Variants in TAX1BP1 observed in about 807,000 individuals in gnomAD.
The protein encoded by TAX1BP1 is tax1-binding protein 1.
In TAX1BP1, 62 loss-of-function variants were observed where a neutral mutation model predicts 97.7. That is an observed-to-expected ratio of 0.63 (90% CI 0.52 to 0.78). The LOEUF (loss-of-function observed/expected upper bound fraction) is 0.78, where lower values mean the gene tolerates loss of function less well. Ranked by LOEUF, TAX1BP1 falls within the 30% of genes least tolerant of loss-of-function variation. The pLI is 0.00. For synonymous variants in TAX1BP1, 340 were observed against 304.2 expected (o/e 1.12, Z -1.23); for missense variants, 867 against 916.1 (o/e 0.95, Z 0.69).
At chr7:27,773,279 A>C (rs73684050) in intron 5 of TAX1BP1, among the ~76,000 whole-genome samples, 3,641 of 152,218 alleles carry the variant, frequency 0.024, 74 homozygotes, top group East Asian at 0.082. Flanking sequence ...ATTATTTTTC[A>C]AAACAGCTTT....
At chr7:27,769,532 CTGAT>C in intron 4 of TAX1BP1, 140 bp from the exon 5 acceptor site, 2 of 594,754 alleles carry the variant, frequency 3.4e-6, no homozygotes, top group Non-Finnish European at 5.6e-6. Flanking sequence ...TAAAAAAAGG[CTGAT>C]TGATATAAAG....
rs573238681 is a variant in TAX1BP1, at chr7:27,780,703, T to A, written c.613-4460T>A. Reference sequence around the variant, plus strand: ...AAAGATACAAAAGGCTTAATTTTAATACATGGGGTGATGATTATAACTTAT... The same window carrying A: ...AAAGATACAAAAGGCTTAATTTTAAAACATGGGGTGATGATTATAACTTAT... On this transcript the variant is annotated intron_variant, in intron 5 of 16. Coordinates refer to ENST00000396319, the MANE Select transcript of TAX1BP1 (RefSeq NM_006024.7). Among the ~76,000 whole-genome samples the A allele has an allele frequency of 2.0e-5, 3 of 152,330 alleles. No individual in the cohort carries two copies. In the South Asian group the frequency reaches 6.2e-4, roughly 32 times the overall value.
intron 12 of TAX1BP1, among the ~76,000 whole-genome samples, chr7:27,798,663 CAAA>C (rs34078205): frequency 2.8e-5 from 2 of 72,258 alleles, no homozygotes; most frequent in Non-Finnish European, 3.1e-5. Flanking sequence ...GACTCTGTCT[CAAA>C]AAAAAAAAAA....
chr7:27,828,903 G>A lies in TAX1BP1; in HGVS notation c.*74G>A. On this transcript the variant is annotated 3_prime_UTR_variant, in exon 17 of 17. Coordinates refer to ENST00000396319, the MANE Select transcript of TAX1BP1 (RefSeq NM_006024.7). ...AAAACCACACCTAAAATAGACCACT[G>A]AGGAGACCATAGAGCGGATGCTTTC... is the stretch of plus-strand genomic sequence containing the variant. The A allele has an allele frequency of 8.0e-7, 1 of 1,256,012 alleles. No individual in the cohort carries two copies. The highest frequency in any genetic ancestry group is 1.4e-5 in the South Asian group (1 of 70,338). 77.8% of individuals were successfully genotyped at this position (1,256,012 alleles called of 1,614,324 possible).
At chr7:27,807,097 T>C (rs1417364566) in intron 13 of TAX1BP1, among the ~76,000 whole-genome samples, 1 of 152,202 alleles carries the variant, frequency 6.6e-6, no homozygotes, top group Non-Finnish European at 1.5e-5. Flanking sequence ...TAGTTTTAAA[T>C]TTTTATGTAA....
chr7:27,813,273 C>T (rs921794574), intron 13 of TAX1BP1, among the ~76,000 whole-genome samples: 4 of 151,348 alleles, frequency 2.6e-5, no homozygotes, highest in Admixed American at 1.3e-4. Context: ...GATCCTCCTG[C>T]CTCAGCCTCT....
At chr7:27,812,471 G>A (rs1279059272) in intron 13 of TAX1BP1, among the ~76,000 whole-genome samples, 1 of 152,016 alleles carries the variant, frequency 6.6e-6, no homozygotes, top group Non-Finnish European at 1.5e-5. Flanking sequence ...CTTTTGAAAA[G>A]CAAAAGCCTT....
At chr7:27,762,304 G>A (rs1039777023) in intron 3 of TAX1BP1, among the ~76,000 whole-genome samples, 2 of 151,902 alleles carry the variant, frequency 1.3e-5, no homozygotes, top group Admixed American at 6.6e-5. Flanking sequence ...TATTGGAACC[G>A]GTTTTGTTAC....
At chr7:27,747,171 G>T (rs560462016) in intron 1 of TAX1BP1, among the ~76,000 whole-genome samples, 1 of 152,182 alleles carries the variant, frequency 6.6e-6, no homozygotes, top group African/African-American at 2.4e-5. Flanking sequence ...TCAAGCAAGT[G>T]CAGTCAGGAC....
chr7:27,774,371 T>C (rs1019577988), intron 5 of TAX1BP1, among the ~76,000 whole-genome samples: 2 of 152,152 alleles, frequency 1.3e-5, no homozygotes, highest in African/African-American at 4.8e-5. Context: ...TCCTCATGGA[T>C]AAGTCGTCTA....
At chr7:27,796,307 G>A in intron 12 of TAX1BP1, 88 bp downstream of exon 12, 3 of 1,144,036 alleles carry the variant, frequency 2.6e-6, no homozygotes, top group Non-Finnish European at 3.7e-6. Context: ...TGGTATCTTT[G>A]AGTTTCTTTT....
At chr7:27,793,569 C>G (rs1399576492) in intron 10 of TAX1BP1, among the ~76,000 whole-genome samples, 3 of 152,122 alleles carry the variant, frequency 2.0e-5, no homozygotes, top group African/African-American at 7.2e-5. Flanking sequence ...TTAATCATCC[C>G]TAGGTCTTAG....
intron 1 of TAX1BP1, among the ~76,000 whole-genome samples, chr7:27,744,877 G>A (rs1787761761): frequency 1.3e-5 from 2 of 152,038 alleles, no homozygotes; most frequent in South Asian, 4.2e-4. Context: ...AATAAAATTG[G>A]AATTTAGACC....
intron 5 of TAX1BP1, among the ~76,000 whole-genome samples, chr7:27,784,759 G>A (rs1053222468): frequency 6.6e-6 from 1 of 152,016 alleles, no homozygotes; most frequent in African/African-American, 2.4e-5. Flanking sequence ...TGGAGGCCGA[G>A]GCAGGAGGAT....
intron 13 of TAX1BP1, among the ~76,000 whole-genome samples, chr7:27,803,581 A>T (rs1300142970): frequency 6.6e-6 from 1 of 152,230 alleles, no homozygotes; most frequent in Non-Finnish European, 1.5e-5. Context: ...ACTGTGTGAA[A>T]GCAGTGTGGA....
intron 8 of TAX1BP1, among the ~76,000 whole-genome samples, chr7:27,789,450 T>A (rs1217726588): frequency 6.6e-6 from 1 of 151,990 alleles, no homozygotes; most frequent in African/African-American, 2.4e-5. Flanking sequence ...AACATTTTCA[T>A]AAGTTTCTAG....
At chr7:27,762,305 GT>G (rs1788458647) in intron 3 of TAX1BP1, among the ~76,000 whole-genome samples, 1 of 152,042 alleles carries the variant, frequency 6.6e-6, no homozygotes, top group Non-Finnish European at 1.5e-5. Flanking sequence ...ATTGGAACCG[GT>G]TTTGTTACAT....
chr7:27,769,961 G>T, intron 5 of TAX1BP1, 127 bp downstream of exon 5: 1 of 810,922 alleles, frequency 1.2e-6, no homozygotes, highest in East Asian at 2.7e-5. Context: ...TTAGATAGAC[G>T]TTTATACAAG....
chr7:27,744,573 A>G (rs1787749067), intron 1 of TAX1BP1, among the ~76,000 whole-genome samples: 1 of 152,192 alleles, frequency 6.6e-6, no homozygotes, highest in African/African-American at 2.4e-5. Context: ...AAAAAGCTTA[A>G]TTTGGCTTCA....
Sources: gnomAD v4.1 joint callset for allele counts (sites outside exome capture counted in the v4.1 genomes callset) on GRCh38, gnomAD v4.1.1 for gene constraint, MANE v1.5 for transcripts, NCBI Gene and HGNC (gene_info 2026-07-23, HGNC 2026-07-21) for gene names.